Variants in SMARCA2 observed in about 807,000 individuals in gnomAD.
The protein encoded by SMARCA2 is SWI/SNF-related matrix-associated actin-dependent regulator of chromatin subfamily A member 2.
SMARCA2 carries 61 observed loss-of-function variants against 199.8 expected under a neutral mutation model. That is an observed-to-expected ratio of 0.31 (90% CI 0.25 to 0.38). The LOEUF is 0.38. Among genes scored for constraint, SMARCA2 ranks in the 10% least tolerant of loss-of-function variants. The probability of loss-of-function intolerance (pLI) is 1.00; values close to 1 mark genes in which losing one functional copy is unlikely to be tolerated. For synonymous variants in SMARCA2, 935 were observed against 732.0 expected, an observed-to-expected ratio of 1.28 and a Z score of -4.48; for missense variants, 1,344 against 2,012.2, an observed-to-expected ratio of 0.67 and a Z score of 6.35.
At chr9:2,159,599 T>C (rs1383131790) in intron 27 of SMARCA2, 1 of 476,296 alleles carries the variant, frequency 2.1e-6, no homozygotes, top group Non-Finnish European at 3.6e-6. Context: ...AATCTCTAAT[T>C]CTGCTGCCTG....
At chr9:2,103,149 C>G (rs887198798) in intron 22 of SMARCA2, among the ~76,000 whole-genome samples, 8 of 152,108 alleles carry the variant, frequency 5.3e-5, no homozygotes, top group African/African-American at 1.9e-4. Context: ...GAGGTCACCT[C>G]TGACACTCTA....
At chr9:2,160,214 T>G (rs1405772528) in intron 27 of SMARCA2, 2 of 326,398 alleles carry the variant, frequency 6.1e-6, no homozygotes, top group East Asian at 9.9e-5. Context: ...TGTGAAGCTT[T>G]TTTTTTTTTT....
At chr9:2,140,614 A>T (rs568917629) in intron 27 of SMARCA2, among the ~76,000 whole-genome samples, 78 of 152,330 alleles carry the variant, frequency 5.1e-4, no homozygotes, top group Admixed American at 2.3e-3. Flanking sequence ...CCTGTCATAA[A>T]AGCTAATGAA....
Position 2,119,635 on chromosome 9 carries a change from A to G in SMARCA2, c.3762+100A>G. 1 of 774,624 alleles carries G rather than the reference A, an allele frequency of 1.3e-6. No individual in the cohort carries two copies. Among genetic ancestry groups the G allele is most frequent in the South Asian group, 1.5e-5 (1 of 65,778 alleles). The allele number at this position is 774,624 out of a possible 1,614,324, so 48.0% of individuals were successfully genotyped here. ...GCCTGCGTGCCTGGCAGAACTTCAT[A>G]CGTAAAGCCTATGCCTTTCCTTCAG... On this transcript the variant is annotated intron_variant, in intron 26 of 33. Transcript: ENST00000349721. This position sits in a 1 kb window ranked among gnomAD's most constrained non-coding sequence, Gnocchi z 4.6.
At chr9:2,186,001 T>G in intron 31 of SMARCA2, 95 bp from the exon 32 acceptor site, 1 of 1,219,274 alleles carries the variant, frequency 8.2e-7, no homozygotes, top group South Asian at 1.5e-5. Context: ...TCTACTAAAA[T>G]TCATGTGAAT....
intron 29 of SMARCA2, among the ~76,000 whole-genome samples, chr9:2,172,358 G>T (rs1330033109): frequency 1.3e-5 from 2 of 152,068 alleles, no homozygotes; most frequent in Admixed American, 1.3e-4. Context: ...GGAAGGGATG[G>T]GGCAGGAGTG....
chr9:2,157,257 T>C (rs1010101272), intron 27 of SMARCA2, among the ~76,000 whole-genome samples: 2 of 152,296 alleles, frequency 1.3e-5, no homozygotes, highest in Middle Eastern at 3.4e-3. Context: ...TACTGTATTA[T>C]TGGCTTCCAG....
At chr9:2,165,937 T>A (rs1285961397) in intron 28 of SMARCA2, among the ~76,000 whole-genome samples, 1 of 152,186 alleles carries the variant, frequency 6.6e-6, no homozygotes, top group East Asian at 1.9e-4. Flanking sequence ...TGGCATGTGG[T>A]CATCCACCTC....
At chr9:2,080,564 A>G (rs544125810) in intron 14 of SMARCA2, among the ~76,000 whole-genome samples, 1 of 152,248 alleles carries the variant, frequency 6.6e-6, no homozygotes, top group African/African-American at 2.4e-5. Flanking sequence ...TCTCCTGTCT[A>G]CCACTGTTTG....
chr9:2,126,950 C>T (rs1331815284), intron 27 of SMARCA2, among the ~76,000 whole-genome samples: 1 of 152,126 alleles, frequency 6.6e-6, no homozygotes, highest in African/African-American at 2.4e-5. Flanking sequence ...ATTCTTTTCC[C>T]TGGGGTGAAG....
rs1367252411 is a variant in SMARCA2, at chr9:2,119,580, C to A, written c.3762+45C>A. 7.6e-7 allele frequency: 1 copy of A among 1,323,946 alleles called. No homozygotes were observed. Among genetic ancestry groups the A allele is most frequent in the Admixed American group, 1.7e-5 (1 of 59,486 alleles). The allele number at this position is 1,323,946 out of a possible 1,614,324, so 82.0% of individuals were successfully genotyped here. ...TGAACACAAATGCTTTATACCTCTGCCCCTTTTTCTGTTAAGCAGAATGTC... is the reference window on the plus strand; with the variant it reads ...TGAACACAAATGCTTTATACCTCTGACCCTTTTTCTGTTAAGCAGAATGTC... On this transcript the variant is annotated intron_variant, in intron 26 of 33. Transcript: ENST00000349721. The surrounding 1 kb of genome is among the most constrained non-coding windows in gnomAD (Gnocchi z 4.6).
chr9:2,177,705 A>G (rs540227007), intron 29 of SMARCA2, among the ~76,000 whole-genome samples: 1 of 151,850 alleles, frequency 6.6e-6, no homozygotes, highest in East Asian at 2.0e-4. Flanking sequence ...GGCATGCGCC[A>G]CCACACCCAG....
intron 27 of SMARCA2, among the ~76,000 whole-genome samples, chr9:2,127,477 G>A (rs1353882931): frequency 6.6e-6 from 1 of 152,166 alleles, no homozygotes; most frequent in East Asian, 1.9e-4. Context: ...ATACCTGATT[G>A]GTGAGGACAG....
In SMARCA2 at chr9:2,138,183, AC is replaced by A. The variant is rs201136153; in HGVS notation, c.3981+14247del. On this transcript the variant is annotated intron_variant, in intron 27 of 33. Coordinates refer to ENST00000349721, the MANE Select transcript of SMARCA2 (RefSeq NM_003070.5). ...TCTTCAGCAAAAAACAACAACAACA[AC>A]AAAAAAAAAACAGATAAATACATCT... Among the ~76,000 whole-genome samples, 498 of 123,918 alleles carry A rather than the reference AC, an allele frequency of 4.0e-3. 2 individuals are homozygous for A. Among genetic ancestry groups the A allele is most frequent in the African/African-American group, 0.022 (464 of 21,240 alleles). The allele number at this position is 123,918 out of a possible 152,430, so 81.3% of individuals were successfully genotyped here.
At chr9:2,168,410 G>A (rs1399931974) in intron 28 of SMARCA2, among the ~76,000 whole-genome samples, 1 of 152,194 alleles carries the variant, frequency 6.6e-6, no homozygotes, top group Non-Finnish European at 1.5e-5. Context: ...ACACTGAAAA[G>A]TAATTTGCAG....
chr9:2,189,961 C>A (rs910304473), intron 32 of SMARCA2, among the ~76,000 whole-genome samples: 6 of 152,186 alleles, frequency 3.9e-5, no homozygotes, highest in African/African-American at 1.2e-4. Context: ...ACATCTATTT[C>A]TAGATGCCTT....
At chr9:2,158,232 A>G (rs1403134487) in intron 27 of SMARCA2, 2 of 191,652 alleles carry the variant, frequency 1.0e-5, no homozygotes, top group Non-Finnish European at 2.1e-5. Flanking sequence ...TCATTCAGGA[A>G]AAACGCAGGC....
chr9:2,081,557 G>GTT (rs1297885499), intron 14 of SMARCA2, among the ~76,000 whole-genome samples: 1 of 152,216 alleles, frequency 6.6e-6, no homozygotes, highest in Non-Finnish European at 1.5e-5. Flanking sequence ...ATTCTAGAAT[G>GTT]TCACATACTG....
chr9:2,128,014 G>A (rs1025777480), intron 27 of SMARCA2, among the ~76,000 whole-genome samples: 1 of 152,088 alleles, frequency 6.6e-6, no homozygotes, highest in East Asian at 1.9e-4. Context: ...TATTTCCACT[G>A]AGGAAACTTA....
Sources: allele counts gnomAD v4.1 joint callset (sites outside exome capture counted in the v4.1 genomes callset), GRCh38; gene constraint gnomAD v4.1.1; non-coding constraint Gnocchi (gnomAD v3.1); transcripts MANE v1.5; gene names NCBI Gene and HGNC (gene_info 2026-07-23, HGNC 2026-07-21).